ZNF521: variants seen among roughly 807,000 people sequenced by gnomAD.
ZNF521 encodes zinc finger protein 521.
A neutral mutation model predicts 105.5 loss-of-function variants in ZNF521; 14 were observed. The observed-to-expected ratio is 0.13, with a 90% CI of 0.09 to 0.21. The LOEUF is 0.21. Among genes scored for constraint, ZNF521 ranks in the 10% least tolerant of loss-of-function variants. The probability of loss-of-function intolerance (pLI) is 1.00; values close to 1 mark genes in which losing one functional copy is unlikely to be tolerated. For synonymous variants in ZNF521, 635 were observed against 606.0 expected, an observed-to-expected ratio of 1.05 and a Z score of -0.70; for missense variants, 1,233 against 1,629.7, an observed-to-expected ratio of 0.76 and a Z score of 4.19.
chr18:25,328,427 AC>A (rs1415546424), intron 2 of ZNF521, among the ~76,000 whole-genome samples: 5 of 151,708 alleles, frequency 3.3e-5, no homozygotes, highest in African/African-American at 9.7e-5. Context: ...ACACACACAC[AC>A]ACACACACAC....
intron 7 of ZNF521, among the ~76,000 whole-genome samples, chr18:25,084,068 G>A (rs900643696): frequency 1.3e-5 from 2 of 149,794 alleles, no homozygotes; most frequent in Non-Finnish European, 3.0e-5. Flanking sequence ...ACAGGCATGA[G>A]CCACTGTGCC....
chr18:25,062,821 T>C, intron 7 of ZNF521, 80 bp from the exon 8 acceptor site: 1 of 1,328,412 alleles, frequency 7.5e-7, no homozygotes, highest in Non-Finnish European at 1.0e-6. Flanking sequence ...GTGATTTCAT[T>C]TTCATCAGAC....
chr18:25,077,721 C>A (rs975586574), intron 7 of ZNF521, among the ~76,000 whole-genome samples: 4 of 152,104 alleles, frequency 2.6e-5, no homozygotes, highest in African/African-American at 9.7e-5. Context: ...ATTTTTCATT[C>A]TGTCATTATA....
chr18:25,095,716 G>C (rs186129501), intron 5 of ZNF521, among the ~76,000 whole-genome samples: 1,918 of 152,262 alleles, frequency 0.013, 14 homozygotes, highest in Non-Finnish European at 0.019. Context: ...GCAATATTAT[G>C]AAGTCTAGAA....
chr18:25,332,335 G>A (rs1481289236), intron 2 of ZNF521, among the ~76,000 whole-genome samples: 21 of 113,222 alleles, frequency 1.9e-4, no homozygotes, highest in Non-Finnish European at 3.2e-4. Context: ...TTTGTATAAT[G>A]AAAGATCACA....
intron 2 of ZNF521, among the ~76,000 whole-genome samples, chr18:25,329,207 G>A (rs191021230): frequency 5.3e-5 from 8 of 152,328 alleles, no homozygotes; most frequent in South Asian, 2.1e-4. Flanking sequence ...GATCCTCAAG[G>A]TGACCAGGCA....
chr18:25,347,805 T>C (rs1258677433), intron 2 of ZNF521, among the ~76,000 whole-genome samples: 1 of 152,234 alleles, frequency 6.6e-6, no homozygotes, highest in Non-Finnish European at 1.5e-5. Context: ...TGTTTTTATC[T>C]GCCTTAGGTA....
At chr18:25,201,560 A>G (rs1341193037) in intron 4 of ZNF521, 2 of 152,202 alleles carry the variant, frequency 1.3e-5, no homozygotes, top group Admixed American at 6.5e-5. Context: ...TATTTTATCA[A>G]TCATTGCTAT....
rs551673862 is a variant in ZNF521, at chr18:25,280,133, C to T, written c.220+41875G>A. 1.5e-4 allele frequency among the ~76,000 whole-genome samples: 23 copies of T among 152,328 alleles called. No individual in the cohort carries two copies. The East Asian group carries it at 2.5e-3, about 17-fold the overall frequency. On this transcript the variant is annotated intron_variant, in intron 3 of 7. Transcript: ENST00000361524. ...TGCTCCTCTACAGTCACCACCCAAA[C>T]GCTGACTTCCCCTCATCGCTGCTCC...
intron 5 of ZNF521, among the ~76,000 whole-genome samples, chr18:25,146,182 T>A (rs1288778039): frequency 2.0e-5 from 3 of 152,212 alleles, no homozygotes; most frequent in Admixed American, 2.0e-4. Flanking sequence ...TACTTGTTAA[T>A]CTAACACTCA....
At chr18:25,099,596 T>C (rs1441116487) in intron 5 of ZNF521, among the ~76,000 whole-genome samples, 1 of 152,202 alleles carries the variant, frequency 6.6e-6, no homozygotes, top group Non-Finnish European at 1.5e-5. Flanking sequence ...TCCCAAGTCA[T>C]AGAGAAGTCT....
At chr18:25,291,148 C>G (rs1275485926) in intron 3 of ZNF521, among the ~76,000 whole-genome samples, 2 of 152,108 alleles carry the variant, frequency 1.3e-5, no homozygotes, top group African/African-American at 4.8e-5. Context: ...AATGGAGGTT[C>G]TTTCTTTCAC....
chr18:25,062,527 A>C lies in ZNF521; in HGVS notation c.*185T>G. ...ATACATGTGCAACACTTTATATACA[A>C]GGGGTCTATCCGGTGCGCAAAAGTT... is the stretch of plus-strand genomic sequence containing the variant. On this transcript the variant is annotated 3_prime_UTR_variant, in exon 8 of 8. Coordinates refer to ENST00000361524, the MANE Select transcript of ZNF521 (RefSeq NM_015461.3). 1 of 698,474 alleles carries C rather than the reference A, an allele frequency of 1.4e-6. No individual in the cohort carries two copies. The highest frequency in any genetic ancestry group is 2.4e-6 in the Non-Finnish European group (1 of 424,244). The allele number at this position is 698,474 out of a possible 1,614,324, so 43.3% of individuals were successfully genotyped here.
intron 5 of ZNF521, among the ~76,000 whole-genome samples, chr18:25,107,518 T>C (rs1230520571): frequency 6.6e-6 from 1 of 152,226 alleles, no homozygotes; most frequent in Non-Finnish European, 1.5e-5. Flanking sequence ...ATCATATTCA[T>C]CCTTGTAAAT....
At chr18:25,276,679 C>A (rs898672999) in intron 3 of ZNF521, among the ~76,000 whole-genome samples, 2 of 152,170 alleles carry the variant, frequency 1.3e-5, no homozygotes, top group African/African-American at 4.8e-5. Context: ...TAAGACACAT[C>A]CCACACTTCA....
At chr18:25,100,472 G>A (rs1251710385) in intron 5 of ZNF521, among the ~76,000 whole-genome samples, 11 of 151,974 alleles carry the variant, frequency 7.2e-5, no homozygotes, top group African/African-American at 1.7e-4. Flanking sequence ...AAAAGCACAC[G>A]TCATATCTGC....
At chr18:25,229,336 C>CG (rs71375172) in intron 3 of ZNF521, among the ~76,000 whole-genome samples, 14,980 of 152,220 alleles carry the variant, frequency 0.098, 854 homozygotes, top group South Asian at 0.19. Flanking sequence ...AACCAAACAC[C>CG]ATTCCTGGAT....
intron 5 of ZNF521, among the ~76,000 whole-genome samples, chr18:25,139,384 A>G (rs1238285251): frequency 9.6e-5 from 14 of 145,812 alleles, no homozygotes; most frequent in African/African-American, 3.7e-4. Context: ...AAAAAAAAAA[A>G]AAAAAAAAAA....
chr18:25,205,143 A>T (rs1401773056), intron 4 of ZNF521, among the ~76,000 whole-genome samples: 9 of 29,742 alleles, frequency 3.0e-4, no homozygotes, highest in East Asian at 7.5e-4. Flanking sequence ...AGTGAAGGTA[A>T]AAAAAAAAAA....
Sources: allele counts gnomAD v4.1 joint callset (sites outside exome capture counted in the v4.1 genomes callset), GRCh38; gene constraint gnomAD v4.1.1; transcripts MANE v1.5; gene names NCBI Gene and HGNC (gene_info 2026-07-23, HGNC 2026-07-21).